Variants in TET3 observed in about 807,000 individuals in gnomAD.
TET3 encodes the protein tet methylcytosine dioxygenase 3.
A neutral mutation model predicts 141.4 loss-of-function variants in TET3; 19 were observed. That is an observed-to-expected ratio of 0.13 (90% CI 0.09 to 0.20). The LOEUF is 0.20. TET3 is among the 10% of genes least tolerant of loss of function. TET3 has a pLI of 1.00. For missense variants in TET3, 1,874 were observed against 2,356.9 expected (o/e 0.80, Z 4.24); for synonymous variants, 1,043 against 980.9 (o/e 1.06, Z -1.18).
the TET3 span, among the ~76,000 whole-genome samples, chr2:74,114,052 T>C: frequency 6.6e-6 from 1 of 152,024 alleles, no homozygotes; most frequent in Admixed American, 6.6e-5. Context: ...GGCCTCAAAA[T>C]ATACTAAAAA....
At chr2:74,026,028 TTG>T in intron 3 of TET3, among the ~76,000 whole-genome samples, 1 of 152,274 alleles carries the variant, frequency 6.6e-6, no homozygotes. Flanking sequence ...CAGCTCCTAG[TTG>T]TGTGTCATCA....
chr2:74,041,255 A>G (rs1687323865), intron 3 of TET3, among the ~76,000 whole-genome samples: 1 of 152,168 alleles, frequency 6.6e-6, no homozygotes, highest in African/African-American at 2.4e-5. Context: ...AGGCCACTCA[A>G]AACAAGTCTA....
intron 7 of TET3, 125 bp downstream of exon 7, chr2:74,088,163 A>T: frequency 1.0e-6 from 1 of 979,080 alleles, no homozygotes; most frequent in Non-Finnish European, 1.5e-6. Flanking sequence ...TTTGTCCTGC[A>T]CAGTTAGGAC....
intron 5 of TET3, among the ~76,000 whole-genome samples, chr2:74,076,692 G>A (rs541767811): frequency 5.9e-5 from 9 of 151,354 alleles, no homozygotes; most frequent in Middle Eastern, 3.4e-3. Flanking sequence ...TTTCTGGAAC[G>A]AGGGGAGTAA....
chr2:74,078,031 A>G (rs992303016), intron 5 of TET3, among the ~76,000 whole-genome samples: 30 of 152,246 alleles, frequency 2.0e-4, no homozygotes, highest in African/African-American at 6.8e-4. Context: ...GCTTTCTGTA[A>G]GAGAACAGAG....
At chr2:74,058,899 G>A (rs1431943272) in intron 4 of TET3, among the ~76,000 whole-genome samples, 2 of 152,110 alleles carry the variant, frequency 1.3e-5, no homozygotes, top group African/African-American at 2.4e-5. Flanking sequence ...AACATTTCAC[G>A]ACTCATGAAA....
intron 2 of TET3, among the ~76,000 whole-genome samples, chr2:73,999,040 T>G (rs893507998): frequency 6.6e-6 from 1 of 152,124 alleles, no homozygotes; most frequent in Non-Finnish European, 1.5e-5. Flanking sequence ...ACTGGTATAA[T>G]CAGAGAAGGC....
rs548040687 is a variant in TET3, at chr2:74,081,867, T to C, written c.2679+1276T>C. On this transcript the variant is annotated intron_variant, in intron 6 of 11. Transcript: ENST00000409262. Reference sequence around the variant, plus strand: ...ATTTTTAGTCAGCATTGCAGAATTATATACAACCAGAGAATCTGGAATCAC... The same window carrying C: ...ATTTTTAGTCAGCATTGCAGAATTACATACAACCAGAGAATCTGGAATCAC... 1.8e-3 allele frequency among the ~76,000 whole-genome samples: 280 copies of C among 152,342 alleles called. 1 individual carries two copies. The highest frequency in any genetic ancestry group is 6.2e-3 in the African/African-American group (258 of 41,576).
chr2:73,988,171 C>T (rs999821399), intron 2 of TET3, among the ~76,000 whole-genome samples: 5 of 152,156 alleles, frequency 3.3e-5, no homozygotes, highest in Non-Finnish European at 7.4e-5. Flanking sequence ...CCTGCTGGCC[C>T]AGTGCCCCAT....
At chr2:74,110,633 C>A (rs1691680307), downstream of TET3, among the ~76,000 whole-genome samples, 1 of 152,148 alleles carries the variant, frequency 6.6e-6, no homozygotes, top group South Asian at 2.1e-4. Context: ...CCCCCCAGCA[C>A]CTCATCCCCA....
intron 3 of TET3, among the ~76,000 whole-genome samples, chr2:74,015,544 C>T (rs1366289315): frequency 6.6e-6 from 1 of 152,106 alleles, no homozygotes; most frequent in East Asian, 1.9e-4. Flanking sequence ...TTGAAGACAC[C>T]TTTCCATGTC....
At chr2:74,109,146 G>A (rs1463977014), downstream of TET3, among the ~76,000 whole-genome samples, 1 of 152,146 alleles carries the variant, frequency 6.6e-6, no homozygotes, top group Non-Finnish European at 1.5e-5. Flanking sequence ...TGTCATGATG[G>A]ATCCATCTGC....
chr2:74,007,563 G>A (rs1366541185), intron 3 of TET3, among the ~76,000 whole-genome samples: 3 of 152,166 alleles, frequency 2.0e-5, no homozygotes, highest in Non-Finnish European at 2.9e-5. Context: ...TGTGGGCCCC[G>A]CAGCCCTTAC....
At position 74,046,813 on chromosome 2, in the gene TET3, AGGAGC is replaced by A; in HGVS notation, c.899_903del (p.Glu300AlafsTer11). The A allele has an allele frequency of 6.2e-7, 1 of 1,613,196 alleles. No individual in the cohort carries two copies. Among genetic ancestry groups the A allele is most frequent in the Non-Finnish European group, 8.5e-7 (1 of 1,179,832 alleles). On this transcript the variant is annotated frameshift_variant, in exon 4 of 12. Transcript: ENST00000409262. LOFTEE classifies it high-confidence loss of function. This position sits in a 1 kb window ranked among gnomAD's most constrained non-coding sequence, Gnocchi z 4.3. ...AAGTCTGTGGTCATGGAAGGAGGGG[AGGAGC>A]GGCCCAGGCTCCCAGGGCCTCTGCC...
chr2:74,070,383 C>T (rs1218218584), intron 4 of TET3, among the ~76,000 whole-genome samples: 1 of 152,160 alleles, frequency 6.6e-6, no homozygotes, highest in Non-Finnish European at 1.5e-5. Context: ...TTATTCACTA[C>T]CATGAGAACA....
chr2:74,016,508 G>T (rs886082545), intron 3 of TET3, among the ~76,000 whole-genome samples: 53 of 152,056 alleles, frequency 3.5e-4, no homozygotes, highest in Admixed American at 3.5e-3. Flanking sequence ...GATCACTTGA[G>T]GTCAGGAGTT....
intron 2 of TET3, among the ~76,000 whole-genome samples, chr2:73,991,817 A>AG: frequency 6.6e-6 from 1 of 151,570 alleles, no homozygotes; most frequent in Non-Finnish European, 1.5e-5. Context: ...AAAAAAAAAA[A>AG]AAAAAAAAAA....
intron 4 of TET3, among the ~76,000 whole-genome samples, chr2:74,069,557 C>T (rs1689093615): frequency 6.6e-6 from 1 of 151,446 alleles, no homozygotes; most frequent in Non-Finnish European, 1.5e-5. Context: ...CACTTCTAGC[C>T]CCCCAGGAGT....
At chr2:74,000,332 CAG>C (rs1236661770) in intron 2 of TET3, among the ~76,000 whole-genome samples, 2 of 152,142 alleles carry the variant, frequency 1.3e-5, no homozygotes, top group Non-Finnish European at 1.5e-5. Flanking sequence ...GTAGGGAAGA[CAG>C]GGCCCCCGCC....
Sources: gnomAD v4.1 joint callset for allele counts (sites outside exome capture counted in the v4.1 genomes callset) on GRCh38, gnomAD v4.1.1 for gene constraint, Gnocchi (gnomAD v3.1) non-coding constraint, MANE v1.5 for transcripts, NCBI Gene and HGNC (gene_info 2026-07-23, HGNC 2026-07-21) for gene names.